BTBD1: variants seen among roughly 807,000 people sequenced by gnomAD.
BTBD1 encodes the protein BTB domain containing 1.
Under a neutral mutation model 48.0 loss-of-function variants are expected in BTBD1, and 34 were observed. That is an observed-to-expected ratio of 0.71 (90% confidence interval 0.54 to 0.94). BTBD1 has a LOEUF of 0.94. Ranked by LOEUF, BTBD1 falls within the 40% of genes least tolerant of loss-of-function variation. The pLI is 0.00. For synonymous variants in BTBD1, 261 were observed against 242.1 expected (o/e 1.08, Z -0.72); for missense variants, 543 against 625.6 (o/e 0.87, Z 1.41).
rs1383117273 is a variant in BTBD1 at position 83,067,139 on chromosome 15, CGAGT to C, written c.9_12del (p.Leu4GlyfsTer51). The C allele has an allele frequency of 7.0e-7, 1 of 1,434,684 alleles. No homozygotes were observed. Among genetic ancestry groups the C allele is most frequent in the Non-Finnish European group, 9.1e-7 (1 of 1,101,324 alleles). The allele number at this position is 1,434,684 out of a possible 1,614,324, so 88.9% of individuals were successfully genotyped here. ...GCCTGCTCCCCAGCTGCGGCAGGCC[CGAGT>C]GAGGCCATCCTCCAGCTGCGCGGTT... On this transcript the variant is annotated frameshift_variant, in exon 1 of 8. Coordinates refer to ENST00000261721, the MANE Select transcript of BTBD1 (RefSeq NM_025238.4). LOFTEE classifies it high-confidence loss of function.
intron 3 of BTBD1, among the ~76,000 whole-genome samples, chr15:83,042,483 A>C (rs1019768019): frequency 4.6e-5 from 7 of 151,334 alleles, no homozygotes; most frequent in Non-Finnish European, 7.4e-5. Flanking sequence ...TCCTAGGTTC[A>C]AGCAATTCTC....
intron 3 of BTBD1, among the ~76,000 whole-genome samples, chr15:83,049,527 A>C (rs2032938251): frequency 6.6e-6 from 1 of 152,188 alleles, no homozygotes; most frequent in Non-Finnish European, 1.5e-5. Context: ...TTGCATAGTA[A>C]TTACTTTCTA....
intron 4 of BTBD1, among the ~76,000 whole-genome samples, chr15:83,037,129 A>AT (rs1354177861): frequency 1.3e-5 from 2 of 152,210 alleles, no homozygotes; most frequent in Non-Finnish European, 2.9e-5. Flanking sequence ...AGAAAAAAAA[A>AT]TTTGGTATAA....
At chr15:83,022,029 C>T (rs980881587) in intron 5 of BTBD1, among the ~76,000 whole-genome samples, 25 of 151,888 alleles carry the variant, frequency 1.6e-4, no homozygotes, top group African/African-American at 5.8e-4. Context: ...AGTAAGATCA[C>T]CTTAAACGCT....
chr15:83,048,214 A>G (rs1950045336), intron 3 of BTBD1, among the ~76,000 whole-genome samples: 1 of 152,212 alleles, frequency 6.6e-6, no homozygotes, highest in African/African-American at 2.4e-5. Flanking sequence ...CCAAGCAATC[A>G]GGTTCATGGT....
chr15:83,057,494 T>C (rs2033107922), intron 1 of BTBD1, among the ~76,000 whole-genome samples: 1 of 152,218 alleles, frequency 6.6e-6, no homozygotes, highest in Non-Finnish European at 1.5e-5. Flanking sequence ...TCTCATATTT[T>C]TTATCATTAT....
intron 5 of BTBD1, 156 bp downstream of exon 5, chr15:83,029,980 C>T: frequency 2.8e-6 from 2 of 720,248 alleles, no homozygotes; most frequent in Non-Finnish European, 4.7e-6. Context: ...CAGGATGCCT[C>T]AGTGACTTCT....
At chr15:83,044,350 C>T (rs2032828231) in intron 3 of BTBD1, 5 of 1,439,728 alleles carry the variant, frequency 3.5e-6, no homozygotes, top group Admixed American at 3.9e-5. Context: ...TCTGCATGCC[C>T]GCCCGCCCGT....
chr15:83,050,645 T>A (rs945154783), intron 2 of BTBD1, among the ~76,000 whole-genome samples: 3 of 152,194 alleles, frequency 2.0e-5, no homozygotes, highest in Non-Finnish European at 4.4e-5. Flanking sequence ...TCACTAATTA[T>A]AATATCAATT....
intron 5 of BTBD1, chr15:83,024,185 T>C (rs1480584862): frequency 2.0e-5 from 3 of 152,158 alleles, no homozygotes; most frequent in African/African-American, 7.2e-5. Context: ...TATTTGATTA[T>C]TAATGAGGTA....
intron 4 of BTBD1, among the ~76,000 whole-genome samples, chr15:83,035,806 A>G (rs561505509): frequency 1.8e-4 from 27 of 152,208 alleles, no homozygotes; most frequent in Admixed American, 7.8e-4. Flanking sequence ...GAGAAAATTA[A>G]TAATACAAAC....
intron 5 of BTBD1, chr15:83,024,461 G>A (rs2032366603): frequency 6.6e-6 from 1 of 152,120 alleles, no homozygotes; most frequent in African/African-American, 2.4e-5. Flanking sequence ...TATGATACAT[G>A]CCAAGTTTAG....
chr15:83,060,188 TAA>T (rs1297713284), intron 1 of BTBD1, among the ~76,000 whole-genome samples: 1 of 152,024 alleles, frequency 6.6e-6, no homozygotes, highest in Admixed American at 6.6e-5. Flanking sequence ...TCATTTCTAA[TAA>T]AAAAAGTTAC....
At chr15:83,044,708 A>G in intron 3 of BTBD1, 1 of 1,471,064 alleles carries the variant, frequency 6.8e-7, no homozygotes. Flanking sequence ...AAGATGGGAA[A>G]TTAGTGGTGT....
At chr15:83,044,738 C>T (rs752982906) in intron 3 of BTBD1, 64 of 1,459,562 alleles carry the variant, frequency 4.4e-5, no homozygotes, top group Middle Eastern at 2.2e-4. Context: ...TGAACAATGT[C>T]GCCTGTACTC....
chr15:83,040,088 G>C (rs2032721244), intron 4 of BTBD1, among the ~76,000 whole-genome samples: 1 of 152,110 alleles, frequency 6.6e-6, no homozygotes. Flanking sequence ...CAGCAACATG[G>C]ATGCAGCTAG....
At chr15:83,024,615 G>A (rs1295061871) in intron 5 of BTBD1, among the ~76,000 whole-genome samples, 1 of 152,080 alleles carries the variant, frequency 6.6e-6, no homozygotes, top group Admixed American at 6.6e-5. Context: ...TTTTCCCAGT[G>A]GTTAATCCTT....
chr15:83,059,547 A>AAACAAC (rs376428755), intron 1 of BTBD1, among the ~76,000 whole-genome samples: 1 of 152,180 alleles, frequency 6.6e-6, no homozygotes, highest in Middle Eastern at 3.4e-3. Context: ...TCCGTCTCAA[A>AAACAAC]AACAACAACA....
intron 5 of BTBD1, among the ~76,000 whole-genome samples, chr15:83,024,881 C>T (rs2032372986): frequency 6.6e-6 from 1 of 152,062 alleles, no homozygotes; most frequent in African/African-American, 2.4e-5. Context: ...GGATTACAGG[C>T]GTGAGCCAGT....
Sources: gnomAD v4.1 joint callset for allele counts (sites outside exome capture counted in the v4.1 genomes callset) on GRCh38, gnomAD v4.1.1 for gene constraint, MANE v1.5 for transcripts, NCBI Gene and HGNC (gene_info 2026-07-23, HGNC 2026-07-21) for gene names.